DACH2: variants seen among roughly 807,000 people sequenced by gnomAD.
The protein encoded by DACH2 is dachshund homolog 2.
DACH2 carries 17 observed loss-of-function variants against 35.8 expected under a neutral mutation model. The ratio of observed to expected loss-of-function variants is 0.48; its 90% confidence interval spans 0.33 to 0.71. The LOEUF (loss-of-function observed/expected upper bound fraction) is 0.71, where lower values mean the gene tolerates loss of function less well. DACH2 is among the 30% of genes least tolerant of loss of function. The pLI is 0.02. For synonymous variants in DACH2, 195 were observed against 177.3 expected, an observed-to-expected ratio of 1.10 and a Z score of -0.79; for missense variants, 469 against 472.7, an observed-to-expected ratio of 0.99 and a Z score of 0.07.
At chrX:86,203,300 C>A in intron 1 of DACH2, among the ~76,000 whole-genome samples, 1 of 110,675 alleles carries the variant, frequency 9.0e-6, no homozygotes, top group South Asian at 3.8e-4. Flanking sequence ...TTTTAATTAC[C>A]TTAGATAATT....
At chrX:86,315,376 G>A (rs767974810) in intron 1 of DACH2, among the ~76,000 whole-genome samples, 1 of 112,328 alleles carries the variant, frequency 8.9e-6, no homozygotes, top group African/African-American at 3.2e-5. Flanking sequence ...CAAGAGCCGT[G>A]ATGGAGATGT....
intron 2 of DACH2, among the ~76,000 whole-genome samples, chrX:86,420,437 A>G (rs1407629111): frequency 3.6e-5 from 4 of 111,831 alleles, no homozygotes; most frequent in African/African-American, 6.5e-5. Context: ...ATGAATTTGC[A>G]TCTTTAGAGA....
chrX:86,814,226 C>G (rs778608144), intron 9 of DACH2, among the ~76,000 whole-genome samples: 1 of 112,114 alleles, frequency 8.9e-6, no homozygotes, highest in South Asian at 3.7e-4. Context: ...TTGCCATTTT[C>G]AGTTTTAAAG....
intron 1 of DACH2, among the ~76,000 whole-genome samples, chrX:86,321,661 G>C (rs1442278223): frequency 9.0e-6 from 1 of 110,798 alleles, no homozygotes; most frequent in Non-Finnish European, 1.9e-5. Context: ...TTTCCTTTTT[G>C]TTCTACTATA....
intron 1 of DACH2, among the ~76,000 whole-genome samples, chrX:86,290,643 C>G (rs1488410077): frequency 9.3e-6 from 1 of 107,817 alleles, no homozygotes; most frequent in Non-Finnish European, 1.9e-5. Flanking sequence ...CTGCATATGG[C>G]TAGCCAGTTT....
intron 4 of DACH2, among the ~76,000 whole-genome samples, chrX:86,687,228 T>G (rs1401238051): frequency 9.0e-6 from 1 of 111,384 alleles, no homozygotes; most frequent in Non-Finnish European, 1.9e-5. Context: ...TTTTTTCATT[T>G]GTTTGTTTGG....
In DACH2 at chrX:86,167,672, C is replaced by T. The variant is rs192842533; in HGVS notation, c.488+18564C>T. 9.0e-5 allele frequency among the ~76,000 whole-genome samples: 10 copies of T among 110,581 alleles called. No individual in the cohort carries two copies. In the East Asian group the frequency reaches 1.7e-3, roughly 19 times the overall value. ...GAAGTTTTTCTTCTTTTTTGATGTA[C>T]GCACTTACAGCTATAAACTTGCCTC... On this transcript the variant is annotated intron_variant, in intron 1 of 11. Transcript: ENST00000373125.
intron 1 of DACH2, among the ~76,000 whole-genome samples, chrX:86,247,902 A>C (rs182296431): frequency 4.5e-5 from 5 of 111,829 alleles, no homozygotes; most frequent in African/African-American, 1.6e-4. Flanking sequence ...CAAATCAATA[A>C]AGGTGATTCA....
At chrX:86,403,821 A>G (rs1020606275) in intron 2 of DACH2, among the ~76,000 whole-genome samples, 1 of 111,174 alleles carries the variant, frequency 9.0e-6, no homozygotes, top group African/African-American at 3.3e-5. Context: ...GGAGATACCC[A>G]AGACTGGGTA....
chrX:86,230,514 G>A (rs1273780127), intron 1 of DACH2, among the ~76,000 whole-genome samples: 2 of 111,395 alleles, frequency 1.8e-5, no homozygotes, highest in Non-Finnish European at 3.8e-5. Flanking sequence ...ATGAATTAGG[G>A]AGGGTTCCTT....
chrX:86,367,079 G>T (rs1365783614), intron 1 of DACH2, among the ~76,000 whole-genome samples: 1 of 110,922 alleles, frequency 9.0e-6, no homozygotes, highest in Admixed American at 9.7e-5. Context: ...TGTGAAGACA[G>T]GATAGAATCC....
At chrX:86,161,300 A>G in intron 1 of DACH2, 1 of 1,184,016 alleles carries the variant, frequency 8.4e-7, no homozygotes, top group Non-Finnish European at 1.1e-6. Context: ...CACCAACACC[A>G]GCAGCAACAA....
intron 1 of DACH2, among the ~76,000 whole-genome samples, chrX:86,329,934 C>T (rs1289449517): frequency 9.0e-6 from 1 of 111,256 alleles, no homozygotes; most frequent in Non-Finnish European, 1.9e-5. Flanking sequence ...TTATTTGGGG[C>T]TAGTGTTTGA....
chrX:86,618,443 TATC>T (rs1484265658), intron 3 of DACH2, among the ~76,000 whole-genome samples: 1 of 111,826 alleles, frequency 8.9e-6, no homozygotes, highest in Non-Finnish European at 1.9e-5. Flanking sequence ...TAATCTTTGT[TATC>T]ATAGCAATAT....
At chrX:86,161,067 C>T (rs774376111) in intron 1 of DACH2, 124 of 1,067,136 alleles carry the variant, frequency 1.2e-4, no homozygotes, top group Non-Finnish European at 1.5e-4. Context: ...GTCATCATTC[C>T]AACCAGAAAT....
intron 2 of DACH2, among the ~76,000 whole-genome samples, chrX:86,477,852 A>G (rs1476491023): frequency 2.7e-5 from 3 of 110,483 alleles, no homozygotes; most frequent in African/African-American, 6.6e-5. Flanking sequence ...TTTAAATTTC[A>G]GGTAACCGTT....
chrX:86,320,405 C>CCT (rs2034994335), intron 1 of DACH2, among the ~76,000 whole-genome samples: 1 of 112,056 alleles, frequency 8.9e-6, no homozygotes, highest in Non-Finnish European at 1.9e-5. Flanking sequence ...TGCACCACTA[C>CCT]CTGTTCACAG....
At position 86,176,573 on chromosome X, in the gene DACH2, G is replaced by C. The variant is rs1430360236; in HGVS notation, c.488+27465G>C. On this transcript the variant is annotated intron_variant, in intron 1 of 11. Coordinates refer to ENST00000373125, the MANE Select transcript of DACH2 (RefSeq NM_053281.3). The stretch of plus-strand genomic sequence containing the variant: ...TAATAATACTATCAGATTTTACGTT[G>C]TTAAACAATGATTCTTAATTTCTAA... 2.7e-5 allele frequency among the ~76,000 whole-genome samples: 3 copies of C among 111,194 alleles called. No homozygotes were observed. In the East Asian group the frequency reaches 8.4e-4, roughly 31 times the overall value.
chrX:86,703,886 CA>C (rs960931476), intron 5 of DACH2, among the ~76,000 whole-genome samples: 1 of 111,544 alleles, frequency 9.0e-6, no homozygotes, highest in Non-Finnish European at 1.9e-5. Flanking sequence ...CCATACCGCC[CA>C]AAGCCATCTA....
Sources: gnomAD v4.1 joint callset for allele counts (sites outside exome capture counted in the v4.1 genomes callset) on GRCh38, gnomAD v4.1.1 for gene constraint, MANE v1.5 for transcripts, NCBI Gene and HGNC (gene_info 2026-07-23, HGNC 2026-07-21) for gene names.